POPDC2: variants seen among roughly 807,000 people sequenced by gnomAD.
The protein encoded by POPDC2 is popeye domain cAMP effector 2.
Under a neutral mutation model 30.5 loss-of-function variants are expected in POPDC2, and 24 were observed. The observed-to-expected ratio is 0.79, with a 90% confidence interval of 0.57 to 1.11. POPDC2 has a LOEUF of 1.11. Among genes scored for constraint, POPDC2 ranks in the 50% least tolerant of loss-of-function variants. The probability of loss-of-function intolerance (pLI) is 0.00; values close to 1 mark genes in which losing one functional copy is unlikely to be tolerated. For missense variants in POPDC2, 409 were observed against 447.0 expected, an observed-to-expected ratio of 0.91 and a Z score of 0.77; for synonymous variants, 185 against 183.3, an observed-to-expected ratio of 1.01 and a Z score of -0.07.
chr3:119,648,933 T>C (rs73192018), intron 2 of POPDC2, among the ~76,000 whole-genome samples: 14,246 of 152,248 alleles, frequency 0.094, 742 homozygotes, highest in Non-Finnish European at 0.12. Flanking sequence ...AGTTTCCACA[T>C]CCACTTTCCT....
chr3:119,650,781 A>G (rs2052799097), intron 2 of POPDC2, among the ~76,000 whole-genome samples: 1 of 152,242 alleles, frequency 6.6e-6, no homozygotes, highest in Non-Finnish European at 1.5e-5. Context: ...TTTATGTCTC[A>G]GGCCCAGATC....
chr3:119,645,867 A>T (rs928306144), intron 3 of POPDC2, among the ~76,000 whole-genome samples: 2 of 152,196 alleles, frequency 1.3e-5, no homozygotes, highest in Non-Finnish European at 2.9e-5. Context: ...TCTCAGATCA[A>T]TCCAAGGGGG....
Position 119,659,944 on chromosome 3 carries a change from C to A in POPDC2, c.480G>T (p.Leu160=). Residue 160 remains leucine, a synonymous_variant, in exon 1 of 4, where the codon CTG becomes CTT. Transcript: ENST00000493094. ...ATAGAGTAGCTTACCGGCCAGAGAG[C>A]AGCAGGGACAGGCGGTTGATGGGTG... ...GETPINRLSL[L]LSGRVRVSQD... is the part of the protein sequence containing the mutation. 2 of 1,590,198 alleles carry A rather than the reference C, an allele frequency of 1.3e-6. No homozygotes were observed. The highest frequency in any genetic ancestry group is 1.1e-5 in the South Asian group (1 of 88,730).
intron 2 of POPDC2, among the ~76,000 whole-genome samples, chr3:119,649,611 T>C (rs936883469): frequency 1.3e-5 from 2 of 152,158 alleles, no homozygotes; most frequent in Non-Finnish European, 2.9e-5. Context: ...TCATGATATA[T>C]TTTTGTGGAT....
chr3:119,653,926 C>T (rs1165343612), intron 2 of POPDC2, among the ~76,000 whole-genome samples: 1 of 152,168 alleles, frequency 6.6e-6, no homozygotes, highest in Non-Finnish European at 1.5e-5. Context: ...GCAAGATGTG[C>T]ACCAGTTAGC....
chr3:119,651,789 C>A (rs955140595), intron 2 of POPDC2, among the ~76,000 whole-genome samples: 3 of 152,116 alleles, frequency 2.0e-5, no homozygotes, highest in African/African-American at 7.2e-5. Context: ...GCACCTGCCA[C>A]CACCCTGGCT....
At position 119,659,959 on chromosome 3, in the gene POPDC2, G is replaced by C; in HGVS notation, c.465C>G (p.Asn155Lys). 6.3e-7 allele frequency: 1 copy of C among 1,598,204 alleles called. No individual in the cohort carries two copies. The highest frequency in any genetic ancestry group is 8.6e-7 in the Non-Finnish European group (1 of 1,167,682). Residue 155 changes from asparagine (N) to lysine (K), a missense_variant, in exon 1 of 4, where the codon AAC becomes AAG. Asn to Lys is a moderately conservative substitution (Grantham distance 94, BLOSUM62 0). Coordinates refer to ENST00000493094, the MANE Select transcript of POPDC2 (RefSeq NM_001369919.2). Reference protein sequence around the residue: ...TYAVEGETPINRLSLLLSGRV... With the variant: ...TYAVEGETPIKRLSLLLSGRV... Reference sequence around the variant, plus strand: ...GGCCAGAGAGCAGCAGGGACAGGCGGTTGATGGGTGTCTCACCCTCCACAG... The same window carrying C: ...GGCCAGAGAGCAGCAGGGACAGGCGCTTGATGGGTGTCTCACCCTCCACAG...
At chr3:119,652,382 G>C (rs1340125190) in intron 2 of POPDC2, among the ~76,000 whole-genome samples, 3 of 152,254 alleles carry the variant, frequency 2.0e-5, no homozygotes, top group African/African-American at 7.2e-5. Context: ...GGCAAGGACA[G>C]GATGAACTCT....
At chr3:119,653,638 C>T (rs1212262283) in intron 2 of POPDC2, among the ~76,000 whole-genome samples, 17 of 152,070 alleles carry the variant, frequency 1.1e-4, no homozygotes, top group East Asian at 1.9e-4. Context: ...CCACCATGCC[C>T]GGCTAATTTT....
At chr3:119,642,638 G>T in intron 3 of POPDC2, 77 bp from the exon 4 acceptor site, 1 of 1,018,126 alleles carries the variant, frequency 9.8e-7, no homozygotes, top group Non-Finnish European at 1.5e-6. Context: ...GTTCTTTTCA[G>T]TTTTTTTCTT....
intron 1 of POPDC2, among the ~76,000 whole-genome samples, chr3:119,655,252 C>T (rs956625264): frequency 3.3e-5 from 5 of 151,318 alleles, no homozygotes; most frequent in Non-Finnish European, 5.9e-5. Context: ...CACTTGAACT[C>T]GGGGGTGGAG....
At chr3:119,654,373 G>GT in intron 2 of POPDC2, 132 bp downstream of exon 2, 1 of 653,328 alleles carries the variant, frequency 1.5e-6, no homozygotes, top group Non-Finnish European at 2.7e-6. Flanking sequence ...CAGAGGAAGA[G>GT]TGCCCCCGCC....
intron 1 of POPDC2, among the ~76,000 whole-genome samples, chr3:119,658,584 A>C (rs2052905292): frequency 6.6e-6 from 1 of 152,248 alleles, no homozygotes; most frequent in Non-Finnish European, 1.5e-5. Flanking sequence ...AATTGTCTTT[A>C]AGCATGGAAC....
intron 3 of POPDC2, among the ~76,000 whole-genome samples, chr3:119,643,077 A>G (rs2052708836): frequency 6.6e-6 from 1 of 152,222 alleles, no homozygotes; most frequent in Non-Finnish European, 1.5e-5. Flanking sequence ...TGTGGCAGGT[A>G]GAGGTGGCAC....
Position 119,642,350 on chromosome 3 carries a change from C to T in POPDC2, c.*255G>A, listed in dbSNP as rs1452927686. 2 of 681,348 alleles carry T rather than the reference C, an allele frequency of 2.9e-6. No individual in the cohort carries two copies. The highest frequency in any genetic ancestry group is 5.2e-6 in the Non-Finnish European group (2 of 382,830). 42.2% of individuals were successfully genotyped at this position (681,348 alleles called of 1,614,324 possible). On this transcript the variant is annotated 3_prime_UTR_variant, in exon 4 of 4. Coordinates refer to ENST00000493094, the MANE Select transcript of POPDC2 (RefSeq NM_001369919.2). The stretch of plus-strand genomic sequence containing the variant: ...ACTGTAGCGACAGTGTTGGCACCTT[C>T]TGTGTCCTCTCTCACCTTGCCTGTG...
upstream of POPDC2, chr3:119,660,667 T>TCCCCCCCCCCCCCCCCCCC (rs1553798110): frequency 4.4e-6 from 1 of 225,056 alleles, no homozygotes; most frequent in Non-Finnish European, 7.9e-6. Flanking sequence ...CCCCCCTCTC[T>TCCCCCCCCCCCCCCCCCCC]CCTCCCCACC....
At chr3:119,642,970 A>C (rs1256238593) in intron 3 of POPDC2, among the ~76,000 whole-genome samples, 2 of 152,230 alleles carry the variant, frequency 1.3e-5, no homozygotes, top group Non-Finnish European at 2.9e-5. Flanking sequence ...TGTAAGACAG[A>C]AGTGGAAACA....
intron 1 of POPDC2, among the ~76,000 whole-genome samples, chr3:119,658,516 C>A (rs2052903577): frequency 6.6e-6 from 1 of 152,216 alleles, no homozygotes; most frequent in Admixed American, 6.5e-5. Flanking sequence ...CTCTCAATTT[C>A]CTCCTTTGAA....
intron 1 of POPDC2, among the ~76,000 whole-genome samples, chr3:119,656,343 G>A (rs1276912781): frequency 6.6e-6 from 1 of 152,116 alleles, no homozygotes; most frequent in East Asian, 1.9e-4. Context: ...TGTGGCTGCA[G>A]CCAGAAATCC....
Sources: allele counts gnomAD v4.1 joint callset (sites outside exome capture counted in the v4.1 genomes callset), GRCh38; gene constraint gnomAD v4.1.1; transcripts MANE v1.5; gene names NCBI Gene and HGNC (gene_info 2026-07-23, HGNC 2026-07-21).